The following EML1 variants were observed in gnomAD, a reference collection of about 807,000 sequenced individuals.
EML1 encodes echinoderm microtubule-associated protein-like 1.
In EML1, 27 loss-of-function variants were observed where a neutral mutation model predicts 110.4. The ratio of observed to expected loss-of-function variants is 0.24; its 90% confidence interval spans 0.18 to 0.34. EML1 has a LOEUF of 0.34. Ranked by LOEUF, EML1 falls within the 10% of genes least tolerant of loss-of-function variation. The pLI is 1.00. For missense variants in EML1, 741 were observed against 1,030.9 expected, an observed-to-expected ratio of 0.72 and a Z score of 3.85; for synonymous variants, 344 against 385.8, an observed-to-expected ratio of 0.89 and a Z score of 1.27.
intron 1 of EML1, among the ~76,000 whole-genome samples, chr14:99,818,190 A>G (rs2058201419): frequency 6.6e-6 from 1 of 152,178 alleles, no homozygotes; most frequent in South Asian, 2.1e-4. Flanking sequence ...GATCCACTAC[A>G]GGAGTTTAGC....
intron 1 of EML1, among the ~76,000 whole-genome samples, chr14:99,758,434 G>A (rs562713694): frequency 1.1e-3 from 168 of 152,260 alleles, no homozygotes; most frequent in African/African-American, 3.6e-3. Flanking sequence ...TCAGTACCCC[G>A]GGAAATGTTG....
chr14:99,919,849 C>A (rs2060100668), intron 16 of EML1, among the ~76,000 whole-genome samples: 1 of 152,124 alleles, frequency 6.6e-6, no homozygotes, highest in South Asian at 2.1e-4. Flanking sequence ...TTCTGGGGGG[C>A]AGGACATCTG....
chr14:99,868,753 A>G (rs144652355), intron 3 of EML1, among the ~76,000 whole-genome samples: 343 of 152,152 alleles, frequency 2.3e-3, no homozygotes, highest in African/African-American at 8.0e-3. Context: ...TTTAAAAAAA[A>G]CAATTCTTGG....
chr14:99,825,055 C>T (rs1294632478), intron 1 of EML1, among the ~76,000 whole-genome samples: 1 of 152,164 alleles, frequency 6.6e-6, no homozygotes. Context: ...ACAGTCTCAG[C>T]TCACTGCAAC....
intron 1 of EML1, among the ~76,000 whole-genome samples, chr14:99,796,943 G>C (rs999583895): frequency 1.3e-5 from 2 of 151,478 alleles, no homozygotes; most frequent in African/African-American, 4.8e-5. Context: ...GTGTGAGAGA[G>C]TAATAGCTTT....
At chr14:99,764,543 C>G (rs1420988661) in intron 1 of EML1, among the ~76,000 whole-genome samples, 1 of 152,254 alleles carries the variant, frequency 6.6e-6, no homozygotes, top group Non-Finnish European at 1.5e-5. Context: ...AGCAGGCTTT[C>G]AGCAGCGAGC....
intron 1 of EML1, among the ~76,000 whole-genome samples, chr14:99,793,791 C>T (rs1189358723): frequency 6.7e-6 from 1 of 148,486 alleles, no homozygotes; most frequent in Non-Finnish European, 1.5e-5. Context: ...CACTGGCGCG[C>T]GGACCCCGCC....
intron 1 of EML1, among the ~76,000 whole-genome samples, chr14:99,831,620 T>C (rs965769493): frequency 6.6e-6 from 1 of 152,218 alleles, no homozygotes; most frequent in African/African-American, 2.4e-5. Flanking sequence ...ATTTTCTCTT[T>C]TTTTAAATGA....
In EML1 at chr14:99,914,652, C is replaced by T. The variant is rs750774242; in HGVS notation, c.1707C>T (p.Leu569=). 8.1e-6 allele frequency: 13 copies of T among 1,611,788 alleles called. No individual in the cohort carries two copies. Among genetic ancestry groups the T allele is most frequent in the African/African-American group, 2.7e-5 (2 of 74,786 alleles). The part of the protein sequence containing the change: ...LTCGHDKHAT[L]WDAVGHRPVW... ...GTGGGCATGACAAGCATGCCACTCT[C>T]TGGGACGCTGTGGGTCACCGTCCCG... The change falls in exon 15 of 22, where the codon CTC becomes CTT. Residue 569 remains leucine, a synonymous_variant. Transcript: ENST00000262233.
At position 99,936,395 on chromosome 14, in the gene EML1, C is replaced by T; in HGVS notation, c.2095+61C>T. ...CTCAGAAAGCGTTCACTCTGAGATC[C>T]AGGGGGCCTCTGTGAGAACCCACCT... On this transcript the variant is annotated intron_variant, in intron 19 of 21. Transcript: ENST00000262233. This position sits in a 1 kb window ranked among gnomAD's most constrained non-coding sequence, Gnocchi z 5.5. 6.7e-7 allele frequency: 1 copy of T among 1,502,814 alleles called. No homozygotes were observed. The highest frequency in any genetic ancestry group is 9.2e-7 in the Non-Finnish European group (1 of 1,087,068). The allele number at this position is 1,502,814 out of a possible 1,614,324, so 93.1% of individuals were successfully genotyped here. A position where few individuals can be genotyped will look rare whatever the true frequency, so the allele number is the denominator to read the frequency against.
At chr14:99,820,219 G>A (rs1159565104) in intron 1 of EML1, among the ~76,000 whole-genome samples, 1 of 152,178 alleles carries the variant, frequency 6.6e-6, no homozygotes, top group Non-Finnish European at 1.5e-5. Flanking sequence ...ACCTATACAT[G>A]GGAGCAGGGG....
rs529760453 is a variant in EML1, at chr14:99,842,783, T to C, written c.68-8070T>C. On this transcript the variant is annotated intron_variant, in intron 1 of 21. Transcript: ENST00000262233. ...AGCAGGCCAGTCTTGCCTTACTCTG[T>C]ATGTTGTTTTATAATATTGATTTGA... Among the ~76,000 whole-genome samples, 3 of 152,326 alleles carry C rather than the reference T, an allele frequency of 2.0e-5. No homozygotes were observed. In the South Asian group the frequency reaches 6.2e-4, roughly 32 times the overall value.
At chr14:99,770,497 A>G (rs895052314), upstream of EML1, among the ~76,000 whole-genome samples, 1 of 151,778 alleles carries the variant, frequency 6.6e-6, no homozygotes, top group Non-Finnish European at 1.5e-5. Context: ...TGATCTAATC[A>G]CCTCCCAAAG....
chr14:99,891,326 C>A, intron 5 of EML1, 99 bp downstream of exon 5: 1 of 1,474,172 alleles, frequency 6.8e-7, no homozygotes, highest in Non-Finnish European at 9.4e-7. Context: ...CAGCCTTGGA[C>A]ACACAGGAGC....
chr14:99,888,874 AG>A (rs1469649972), intron 4 of EML1, among the ~76,000 whole-genome samples: 5 of 152,110 alleles, frequency 3.3e-5, no homozygotes, highest in Non-Finnish European at 7.4e-5. Flanking sequence ...GAATTGGGAA[AG>A]GCTGAGTGTG....
intron 1 of EML1, chr14:99,838,959 T>C (rs1258585011): frequency 1.5e-5 from 2 of 130,102 alleles, no homozygotes; most frequent in Non-Finnish European, 3.5e-5. Flanking sequence ...TTGTAGTATT[T>C]AGTAAACATT....
chr14:99,826,633 C>T (rs1273326116), intron 1 of EML1, among the ~76,000 whole-genome samples: 1 of 151,774 alleles, frequency 6.6e-6, no homozygotes, highest in Non-Finnish European at 1.5e-5. Context: ...ATGGACACTT[C>T]TTTGTTCATT....
At chr14:99,798,997 G>A (rs1442997699) in intron 1 of EML1, among the ~76,000 whole-genome samples, 1 of 152,108 alleles carries the variant, frequency 6.6e-6, no homozygotes, top group African/African-American at 2.4e-5. Context: ...TTGTGATTGT[G>A]GTTAATAGCC....
chr14:99,790,217 T>G (rs1204915871), upstream of EML1, among the ~76,000 whole-genome samples: 2 of 152,210 alleles, frequency 1.3e-5, no homozygotes, highest in Non-Finnish European at 2.9e-5. Context: ...CCAGCTCAAT[T>G]TGGCAGCTGA....
Sources: gnomAD v4.1 joint callset for allele counts (sites outside exome capture counted in the v4.1 genomes callset) on GRCh38, gnomAD v4.1.1 for gene constraint, Gnocchi (gnomAD v3.1) non-coding constraint, MANE v1.5 for transcripts, NCBI Gene and HGNC (gene_info 2026-07-23, HGNC 2026-07-21) for gene names.